Variants in MARCHF8 observed in about 807,000 individuals in gnomAD.
The protein encoded by MARCHF8 is membrane associated ring-CH-type finger 8, also known as E3 ubiquitin-protein ligase MARCHF8.
A neutral mutation model predicts 51.6 loss-of-function variants in MARCHF8; 40 were observed. The observed-to-expected ratio is 0.77, with a 90% CI of 0.60 to 1.01. The LOEUF (loss-of-function observed/expected upper bound fraction) is 1.01. Among genes scored for constraint, MARCHF8 ranks in the 50% least tolerant of loss-of-function variants. The probability of loss-of-function intolerance (pLI) is 0.00; values close to 1 mark genes in which losing one functional copy is unlikely to be tolerated. For missense variants in MARCHF8, 685 were observed against 708.6 expected (o/e 0.97, Z 0.38); for synonymous variants, 263 against 280.3 (o/e 0.94, Z 0.62).
At chr10:45,573,822 TC>T (rs1299603635) in intron 1 of MARCHF8, among the ~76,000 whole-genome samples, 2 of 152,204 alleles carry the variant, frequency 1.3e-5, no homozygotes, top group African/African-American at 4.8e-5. Context: ...AGGGCCTGTT[TC>T]CTTTGCCTCC....
At chr10:45,544,274 AAT>A (rs934069911) in intron 1 of MARCHF8, among the ~76,000 whole-genome samples, 5 of 152,216 alleles carry the variant, frequency 3.3e-5, no homozygotes, top group African/African-American at 1.2e-4. Flanking sequence ...TGCTGGTGAG[AAT>A]ATAAATTGGT....
At chr10:45,576,011 T>C (rs2133405883) in intron 1 of MARCHF8, among the ~76,000 whole-genome samples, 1 of 152,296 alleles carries the variant, frequency 6.6e-6, no homozygotes, top group Non-Finnish European at 1.5e-5. Flanking sequence ...TCAGACCGCC[T>C]GCACCCAGGT....
intron 1 of MARCHF8, among the ~76,000 whole-genome samples, chr10:45,560,841 G>A (rs1053388753): frequency 6.6e-6 from 1 of 152,172 alleles, no homozygotes; most frequent in African/African-American, 2.4e-5. Flanking sequence ...GTTTCCTTGT[G>A]ATCTGAAAAT....
chr10:45,505,791 T>C (rs1048413782), intron 2 of MARCHF8, among the ~76,000 whole-genome samples: 1 of 152,246 alleles, frequency 6.6e-6, no homozygotes, highest in Non-Finnish European at 1.5e-5. Context: ...TCTGGTTTGT[T>C]AGTTTTTTTC....
At chr10:45,563,402 G>C (rs1440910923) in intron 1 of MARCHF8, among the ~76,000 whole-genome samples, 1 of 152,182 alleles carries the variant, frequency 6.6e-6, no homozygotes, top group East Asian at 1.9e-4. Context: ...TATACGCAAG[G>C]GTTCTGGAAC....
intron 3 of MARCHF8, among the ~76,000 whole-genome samples, chr10:45,470,521 C>T (rs1358722050): frequency 2.0e-5 from 3 of 152,192 alleles, no homozygotes; most frequent in African/African-American, 7.2e-5. Flanking sequence ...CCCAAATAAT[C>T]TCCCTTATTT....
At chr10:45,546,681 G>T (rs1046958370) in intron 1 of MARCHF8, among the ~76,000 whole-genome samples, 1 of 151,244 alleles carries the variant, frequency 6.6e-6, no homozygotes, top group African/African-American at 2.4e-5. Flanking sequence ...CTACTTGGTC[G>T]ACAGATGGGA....
At chr10:45,460,267 T>C (rs966655527) in intron 6 of MARCHF8, among the ~76,000 whole-genome samples, 3 of 152,138 alleles carry the variant, frequency 2.0e-5, no homozygotes, top group African/African-American at 7.2e-5. Context: ...AATGTTCACC[T>C]TCACCTTTCT....
chr10:45,521,708 C>G (rs2043709266), intron 2 of MARCHF8, among the ~76,000 whole-genome samples: 1 of 152,178 alleles, frequency 6.6e-6, no homozygotes, highest in African/African-American at 2.4e-5. Flanking sequence ...TTATTATTGT[C>G]TACTGCGACG....
chr10:45,514,070 C>T (rs1165037932), intron 2 of MARCHF8, among the ~76,000 whole-genome samples: 1 of 152,160 alleles, frequency 6.6e-6, no homozygotes, highest in East Asian at 1.9e-4. Context: ...TAAGACGATA[C>T]ATTTAAAAAT....
intron 2 of MARCHF8, 48 bp from the exon 3 acceptor site, chr10:45,489,465 A>C: frequency 6.6e-7 from 1 of 1,512,192 alleles, no homozygotes; most frequent in Non-Finnish European, 9.2e-7. Context: ...TGATTAAAAT[A>C]TGCAAAGAAC....
At chr10:45,511,036 AAATT>A (rs2043490406) in intron 2 of MARCHF8, among the ~76,000 whole-genome samples, 1 of 152,214 alleles carries the variant, frequency 6.6e-6, no homozygotes, top group South Asian at 2.1e-4. Context: ...ATAGACTGAT[AAATT>A]AAATGCTTTT....
chr10:45,486,699 G>A (rs1020063755), intron 3 of MARCHF8, among the ~76,000 whole-genome samples: 2 of 152,060 alleles, frequency 1.3e-5, no homozygotes, highest in Non-Finnish European at 2.9e-5. Flanking sequence ...ACTTTGACAA[G>A]AGTCAGGTTT....
intron 3 of MARCHF8, among the ~76,000 whole-genome samples, chr10:45,476,481 T>C (rs1306563122): frequency 1.3e-5 from 2 of 152,184 alleles, no homozygotes; most frequent in Non-Finnish European, 2.9e-5. Flanking sequence ...GGTGGGAGAA[T>C]TGCTTGAGCA....
At chr10:45,565,308 G>A (rs981967302) in intron 1 of MARCHF8, among the ~76,000 whole-genome samples, 3 of 152,090 alleles carry the variant, frequency 2.0e-5, no homozygotes, top group Non-Finnish European at 2.9e-5. Flanking sequence ...GTGCATGCCT[G>A]TAGTCCCAGC....
chr10:45,593,463 T>C (rs1004398912), intron 1 of MARCHF8: 1 of 152,220 alleles, frequency 6.6e-6, no homozygotes, highest in African/African-American at 2.4e-5. Flanking sequence ...GTCTCAAGAT[T>C]TCACACAAGA....
intron 4 of MARCHF8, 87 bp from the exon 5 acceptor site, chr10:45,464,083 C>T: frequency 6.6e-7 from 1 of 1,507,842 alleles, no homozygotes; most frequent in Non-Finnish European, 8.9e-7. Flanking sequence ...ATGAGACTAG[C>T]ATGGGTAACT....
chr10:45,552,309 T>TA (rs35314230), intron 1 of MARCHF8, among the ~76,000 whole-genome samples: 1,739 of 141,882 alleles, frequency 0.012, 10 homozygotes, highest in African/African-American at 0.023. Context: ...TGGTAGAATT[T>TA]AAAAAAAAAA....
intron 2 of MARCHF8, among the ~76,000 whole-genome samples, chr10:45,504,104 T>G (rs937149725): frequency 2.6e-5 from 4 of 152,158 alleles, no homozygotes. Flanking sequence ...TTGGGCACTT[T>G]AAAAGGGTGA....
Sources: allele counts gnomAD v4.1 joint callset (sites outside exome capture counted in the v4.1 genomes callset), GRCh38; gene constraint gnomAD v4.1.1; transcripts MANE v1.5; gene names NCBI Gene and HGNC (gene_info 2026-07-23, HGNC 2026-07-21).